Variants in KLHL3 observed in about 807,000 individuals in gnomAD.
KLHL3 encodes kelch like family member 3, also known as kelch-like protein 3.
A neutral mutation model predicts 70.5 loss-of-function variants in KLHL3; 19 were observed. The observed-to-expected ratio is 0.27, with a 90% confidence interval of 0.19 to 0.40. The LOEUF is 0.40. KLHL3 is among the 10% of genes least tolerant of loss of function. The pLI is 1.00. For synonymous variants in KLHL3, 258 were observed against 290.3 expected (o/e 0.89, Z 1.13); for missense variants, 512 against 771.1 (o/e 0.66, Z 3.98).
chr5:137,662,107 A>AG lies in KLHL3; in HGVS notation c.637-77_637-76insC, dbSNP rs762970834. The AG allele has an allele frequency of 3.9e-4, 236 of 601,186 alleles. 1 individual carries two copies. Among genetic ancestry groups the AG allele is most frequent in the Non-Finnish European group, 5.9e-4 (212 of 357,790 alleles). 37.2% of individuals were successfully genotyped at this position (601,186 alleles called of 1,614,324 possible). A position where few individuals can be genotyped will look rare whatever the true frequency, so the allele number is the denominator to read the frequency against. ...AAACAACCCTCAATCTGTAAAAAAA[A>AG]AAAAAAAAGAGAGAGAGAAAAAGTT... On this transcript the variant is annotated intron_variant, in intron 6 of 14. Coordinates refer to ENST00000309755, the MANE Select transcript of KLHL3 (RefSeq NM_017415.3).
intron 5 of KLHL3, among the ~76,000 whole-genome samples, chr5:137,685,652 T>C (rs79284366): frequency 0.014 from 2,169 of 152,290 alleles, 38 homozygotes; most frequent in African/African-American, 0.048. Flanking sequence ...TCTGCTAACA[T>C]GGAAAGAAAT....
In KLHL3 at chr5:137,627,480, C is replaced by CG. The variant is rs1561580734; in HGVS notation, c.1591+816_1591+817insC. Among the ~76,000 whole-genome samples the CG allele has an allele frequency of 6.0e-4, 74 of 122,702 alleles. 13 individuals are homozygous for CG. The East Asian group carries it at 0.021, about 34-fold the overall frequency. The allele number at this position is 122,702 out of a possible 152,430, so 80.5% of individuals were successfully genotyped here. A position where few individuals can be genotyped will look rare whatever the true frequency, so the allele number is the denominator to read the frequency against. Reference sequence around the variant, plus strand: ...GAGTAAATTAGTAAATATCACCACCCCCCCCCCCGGTTTACACTTCCAAGT... The same window carrying CG: ...GAGTAAATTAGTAAATATCACCACCCGCCCCCCCCGGTTTACACTTCCAAGT... On this transcript the variant is annotated intron_variant, in intron 13 of 14. Coordinates refer to ENST00000309755, the MANE Select transcript of KLHL3 (RefSeq NM_017415.3).
intron 8 of KLHL3, among the ~76,000 whole-genome samples, chr5:137,651,304 G>C (rs1454671992): frequency 1.3e-5 from 2 of 152,212 alleles, no homozygotes; most frequent in African/African-American, 4.8e-5. Context: ...ATCAGCCTGG[G>C]CTACTCAGTA....
At position 137,621,876 on chromosome 5, in the gene KLHL3, C is replaced by T; in HGVS notation, c.*222G>A. ...GGTGCTGCCTGGGGATGTCAAGACC[C>T]CCCTTGCTCAGGGCATAGGCCAGAG... On this transcript the variant is annotated 3_prime_UTR_variant, in exon 15 of 15. Transcript: ENST00000309755. The T allele has an allele frequency of 1.7e-6, 1 of 589,074 alleles. No homozygotes were observed. The allele number at this position is 589,074 out of a possible 1,614,324, so 36.5% of individuals were successfully genotyped here.
intron 4 of KLHL3, among the ~76,000 whole-genome samples, chr5:137,695,705 G>C (rs1337541052): frequency 1.3e-5 from 2 of 152,200 alleles, no homozygotes; most frequent in Admixed American, 6.5e-5. Context: ...ACAGGGCTTT[G>C]AGAGGACTTC....
chr5:137,647,423 C>G, intron 8 of KLHL3: 5 of 289,066 alleles, frequency 1.7e-5, no homozygotes, highest in South Asian at 2.8e-5. Flanking sequence ...AGATCAAGAC[C>G]CTAGCCCTGG....
intron 1 of KLHL3, among the ~76,000 whole-genome samples, chr5:137,723,880 G>A (rs962199123): frequency 2.6e-5 from 4 of 152,178 alleles, no homozygotes; most frequent in Non-Finnish European, 4.4e-5. Flanking sequence ...GTCAGATTAA[G>A]AAAATTCCCT....
intron 1 of KLHL3, among the ~76,000 whole-genome samples, chr5:137,723,513 G>T (rs1461960050): frequency 6.6e-6 from 1 of 152,114 alleles, no homozygotes; most frequent in East Asian, 1.9e-4. Flanking sequence ...TAATAGAAAT[G>T]ATGTATTTTT....
In KLHL3 at chr5:137,665,871, A is replaced by C. The variant is rs1477629758; in HGVS notation, c.637-3840T>G. 8.5e-5 allele frequency among the ~76,000 whole-genome samples: 13 copies of C among 152,156 alleles called. 1 individual carries two copies. Among genetic ancestry groups the C allele is most frequent in the Admixed American group, 8.5e-4 (13 of 15,264 alleles). On this transcript the variant is annotated intron_variant, in intron 6 of 14. Transcript: ENST00000309755. Reference sequence around the variant, plus strand: ...AAAGGAAAGGGAAGGGGAAAGGGGAAGGGAAAGGGAAAGGAAGGGAAGGGA... The same window carrying C: ...AAAGGAAAGGGAAGGGGAAAGGGGACGGGAAAGGGAAAGGAAGGGAAGGGA...
At chr5:137,662,084 AC>A in intron 6 of KLHL3, 53 bp from the exon 7 acceptor site, 5 of 775,490 alleles carry the variant, frequency 6.4e-6, no homozygotes, top group South Asian at 1.7e-5. Flanking sequence ...AAGCTTTCAA[AC>A]AACCCTCAAT....
At chr5:137,698,213 TA>T in intron 4 of KLHL3, 73 bp downstream of exon 4, 1 of 1,568,350 alleles carries the variant, frequency 6.4e-7, no homozygotes, top group Non-Finnish European at 8.7e-7. Flanking sequence ...TTGTGAGGGT[TA>T]AATAAAATAA....
chr5:137,694,060 G>A (rs557630650), intron 4 of KLHL3, among the ~76,000 whole-genome samples: 5 of 151,766 alleles, frequency 3.3e-5, no homozygotes, highest in South Asian at 2.1e-4. Flanking sequence ...GGACTTTCAG[G>A]GCTAAAAATG....
At chr5:137,627,101 T>A (rs564271292) in intron 13 of KLHL3, among the ~76,000 whole-genome samples, 3 of 152,302 alleles carry the variant, frequency 2.0e-5, no homozygotes, top group African/African-American at 7.2e-5. Flanking sequence ...AAGTATTACT[T>A]ATAGGATAGA....
chr5:137,656,266 C>A (rs1181797640), intron 8 of KLHL3, among the ~76,000 whole-genome samples: 3 of 151,570 alleles, frequency 2.0e-5, no homozygotes, highest in African/African-American at 7.3e-5. Context: ...CCATAATATG[C>A]ACATAATAGT....
chr5:137,637,671 C>T (rs946886898), intron 10 of KLHL3, among the ~76,000 whole-genome samples: 4 of 152,162 alleles, frequency 2.6e-5, no homozygotes, highest in Non-Finnish European at 4.4e-5. Context: ...TCATAAAAAC[C>T]GCAGAGTGGG....
At chr5:137,622,187 G>A in intron 14 of KLHL3, 61 bp from the exon 15 acceptor site, 2 of 1,560,760 alleles carry the variant, frequency 1.3e-6, no homozygotes, top group Non-Finnish European at 1.8e-6. Flanking sequence ...CAGAGTCCCA[G>A]TGAGTTCATG....
At chr5:137,706,815 T>C (rs1277333833) in intron 3 of KLHL3, among the ~76,000 whole-genome samples, 3 of 152,232 alleles carry the variant, frequency 2.0e-5, no homozygotes, top group Non-Finnish European at 4.4e-5. Context: ...TCACCTGCTA[T>C]ATGGAAGACC....
At position 137,698,433 on chromosome 5, in the gene KLHL3, T is replaced by C. The variant is rs368106105; in HGVS notation, c.242-25A>G. On this transcript the variant is annotated intron_variant, in intron 3 of 14. Transcript: ENST00000309755. The stretch of plus-strand genomic sequence containing the variant: ...CCTAGAGTTTACAACAAAAACAAAA[T>C]GACATAAATGTGGTACCTGGGATAT... 2.5e-6 allele frequency: 4 copies of C among 1,613,716 alleles called. No homozygotes were observed. In the African/African-American group the frequency reaches 5.3e-5, roughly 22 times the overall value.
chr5:137,638,599 A>G (rs1750828401), intron 10 of KLHL3, among the ~76,000 whole-genome samples: 1 of 152,188 alleles, frequency 6.6e-6, no homozygotes, highest in African/African-American at 2.4e-5. Context: ...TGCTGGACTC[A>G]GCTCCCTCAT....
Sources: gnomAD v4.1 joint callset for allele counts (sites outside exome capture counted in the v4.1 genomes callset) on GRCh38, gnomAD v4.1.1 for gene constraint, MANE v1.5 for transcripts, NCBI Gene and HGNC (gene_info 2026-07-23, HGNC 2026-07-21) for gene names.